TMTC1: variants seen among roughly 807,000 people sequenced by gnomAD.
The protein encoded by TMTC1 is protein O-mannosyl-transferase TMTC1.
A neutral mutation model predicts 104.8 loss-of-function variants in TMTC1; 73 were observed. The observed-to-expected ratio is 0.70, with a 90% CI of 0.58 to 0.85. TMTC1 has a LOEUF of 0.85. Ranked by LOEUF, TMTC1 falls within the 40% of genes least tolerant of loss-of-function variation. TMTC1 has a pLI of 0.00. For missense variants in TMTC1, 1,035 were observed against 1,096.1 expected (o/e 0.94, Z 0.79); for synonymous variants, 434 against 428.7 (o/e 1.01, Z -0.15).
chr12:29,762,745 A>T (rs1943381443), intron 2 of TMTC1, among the ~76,000 whole-genome samples: 1 of 152,240 alleles, frequency 6.6e-6, no homozygotes, highest in South Asian at 2.1e-4. Context: ...GAACTTGAGT[A>T]CCAAATCAGG....
In TMTC1 at chr12:29,783,580, C is replaced by A; in HGVS notation, c.172G>T (p.Val58Leu). Reference protein sequence around the residue: ...EFVHDDVWAIVNNPDVRPGAP... With the variant: ...EFVHDDVWAILNNPDVRPGAP... ...CCGGGCCGCACGTCGGGGTTGTTCA[C>A]GATCGCCCACACGTCGTCGTGCACG... Residue 58 changes from valine to leucine, a missense_variant, in exon 1 of 18, where the codon GTG becomes TTG. Physicochemically the swap from Val to Leu is conservative, Grantham distance 32. Coordinates refer to ENST00000539277, the MANE Select transcript of TMTC1 (RefSeq NM_001193451.2). The surrounding 1 kb of genome is among the most constrained non-coding windows in gnomAD (Gnocchi z 4.7). The A allele has an allele frequency of 6.7e-7, 1 of 1,481,966 alleles. No homozygotes were observed. The highest frequency in any genetic ancestry group is 1.4e-5 in the African/African-American group (1 of 69,680). The allele number at this position is 1,481,966 out of a possible 1,614,324, so 91.8% of individuals were successfully genotyped here.
At chr12:29,771,776 T>C (rs1943599995) in intron 1 of TMTC1, among the ~76,000 whole-genome samples, 1 of 152,048 alleles carries the variant, frequency 6.6e-6, no homozygotes, top group Non-Finnish European at 1.5e-5. Flanking sequence ...AACTTCAGGA[T>C]GCTAAGGGGG....
chr12:29,506,516 T>C lies in TMTC1; in HGVS notation c.*330A>G, dbSNP rs1333269932. On this transcript the variant is annotated 3_prime_UTR_variant, in exon 18 of 18. Transcript: ENST00000539277. ...CTGTATTTCTGGGACAAAAAATGTC[T>C]AAACAGAATTAGATCTCCAGGTCTC... 4.7e-6 allele frequency: 1 copy of C among 214,144 alleles called. No individual in the cohort carries two copies. The allele number at this position is 214,144 out of a possible 1,614,324, so 13.3% of individuals were successfully genotyped here.
intron 9 of TMTC1, among the ~76,000 whole-genome samples, chr12:29,560,021 T>A (rs1389651656): frequency 6.6e-6 from 1 of 152,236 alleles, no homozygotes; most frequent in Non-Finnish European, 1.5e-5. Context: ...ACTTTTTAAA[T>A]AAATTTGCGT....
At chr12:29,760,199 C>T (rs1009893393) in intron 2 of TMTC1, among the ~76,000 whole-genome samples, 1 of 152,234 alleles carries the variant, frequency 6.6e-6, no homozygotes, top group Admixed American at 6.5e-5. Flanking sequence ...CAGAACATGT[C>T]CCCATTGTTA....
At chr12:29,667,585 G>A (rs1257621721) in intron 5 of TMTC1, among the ~76,000 whole-genome samples, 2 of 151,986 alleles carry the variant, frequency 1.3e-5, no homozygotes, top group African/African-American at 4.8e-5. Context: ...TTATAATGAG[G>A]GAAAAAAATG....
intron 5 of TMTC1, among the ~76,000 whole-genome samples, chr12:29,644,147 GTGTATA>G (rs1446965667): frequency 0.01 from 622 of 61,532 alleles, 19 homozygotes; most frequent in African/African-American, 0.026. Flanking sequence ...GTGTGTGTGT[GTGTATA>G]TATATATATA....
intron 14 of TMTC1, 84 bp downstream of exon 14, chr12:29,517,343 C>T: frequency 6.8e-7 from 1 of 1,473,852 alleles, no homozygotes; most frequent in Non-Finnish European, 9.3e-7. Context: ...ATTCCAGCTC[C>T]AGTTTTGAGG....
At chr12:29,600,552 C>T (rs918214423) in intron 7 of TMTC1, among the ~76,000 whole-genome samples, 3 of 152,152 alleles carry the variant, frequency 2.0e-5, no homozygotes, top group African/African-American at 7.2e-5. Context: ...GTTTTAGTTA[C>T]AATAATGACT....
upstream of TMTC1, chr12:29,784,020 GC>G: frequency 6.1e-6 from 1 of 165,282 alleles, no homozygotes; most frequent in Non-Finnish European, 1.2e-5. Context: ...CTCTTCCACC[GC>G]CCCCCAATCC....
At chr12:29,715,316 C>A (rs1185740265) in intron 5 of TMTC1, among the ~76,000 whole-genome samples, 1 of 152,084 alleles carries the variant, frequency 6.6e-6, no homozygotes, top group Non-Finnish European at 1.5e-5. Flanking sequence ...AGACTCTATT[C>A]TCATCTACCC....
intron 5 of TMTC1, among the ~76,000 whole-genome samples, chr12:29,741,824 G>A (rs1348838183): frequency 1.3e-5 from 2 of 152,162 alleles, no homozygotes; most frequent in Non-Finnish European, 2.9e-5. Context: ...CTGGAGATCG[G>A]CACCCAATTT....
At position 29,643,839 on chromosome 12, in the gene TMTC1, T is replaced by A. The variant is rs373987456; in HGVS notation, c.939-10503A>T. On this transcript the variant is annotated intron_variant, in intron 5 of 17. Coordinates refer to ENST00000539277, the MANE Select transcript of TMTC1 (RefSeq NM_001193451.2). ...TATATATTTATATATTTATATATATTTATATATTTATATATATTTATATAT... is the reference window on the plus strand; with the variant it reads ...TATATATTTATATATTTATATATATATATATATTTATATATATTTATATAT... 3.5e-3 allele frequency among the ~76,000 whole-genome samples: 268 copies of A among 76,640 alleles called. 10 individuals carry two copies. Among genetic ancestry groups the A allele is most frequent in the African/African-American group, 9.6e-3 (189 of 19,740 alleles). The allele number at this position is 76,640 out of a possible 152,430, so 50.3% of individuals were successfully genotyped here.
intron 2 of TMTC1, among the ~76,000 whole-genome samples, chr12:29,762,204 G>A (rs1394832051): frequency 1.3e-5 from 2 of 152,076 alleles, no homozygotes; most frequent in Non-Finnish European, 2.9e-5. Context: ...AAATAAGCAT[G>A]GAGGTAAACC....
At chr12:29,761,049 T>C (rs1943336438) in intron 2 of TMTC1, among the ~76,000 whole-genome samples, 1 of 147,882 alleles carries the variant, frequency 6.8e-6, no homozygotes, top group Admixed American at 6.8e-5. Flanking sequence ...TTGTATAACA[T>C]ATTAATAAGT....
chr12:29,518,487 T>C lies in TMTC1; in HGVS notation c.2009A>G (p.Glu670Gly). The C allele has an allele frequency of 6.2e-7, 1 of 1,613,678 alleles. No individual in the cohort carries two copies. The highest frequency in any genetic ancestry group is 2.2e-5 in the East Asian group (1 of 44,878). ...GGAACTTTACCGCTTGTACCATTCT[T>C]CAGCCATGCTGTTCTCTCCCAGTGA... ...YRSLGENSMA[E>G]EWYKRALQVA... The change falls in exon 13 of 18, where the codon GAA (glutamate) becomes GGA (glycine). Residue 670 changes from glutamate to glycine, a missense_variant. Glu to Gly is a moderately conservative substitution (Grantham distance 98). Transcript: ENST00000539277.
chr12:29,738,127 A>G (rs555522820), intron 5 of TMTC1, among the ~76,000 whole-genome samples: 18 of 152,310 alleles, frequency 1.2e-4, no homozygotes, highest in Non-Finnish European at 2.5e-4. Flanking sequence ...ATCATTTACA[A>G]TAATTATTAC....
chr12:29,717,054 A>G (rs973142464), intron 5 of TMTC1, among the ~76,000 whole-genome samples: 2 of 152,162 alleles, frequency 1.3e-5, no homozygotes, highest in African/African-American at 4.8e-5. Flanking sequence ...CAAAAATTCC[A>G]AGAGATAAAA....
At chr12:29,686,594 C>A (rs1549406) in intron 5 of TMTC1, among the ~76,000 whole-genome samples, 21,046 of 152,190 alleles carry the variant, frequency 0.14, 1,738 homozygotes, top group East Asian at 0.34. Flanking sequence ...GGAATCCACT[C>A]CTGTCAGGGC....
Sources: gnomAD v4.1 joint callset for allele counts (sites outside exome capture counted in the v4.1 genomes callset) on GRCh38, gnomAD v4.1.1 for gene constraint, Gnocchi (gnomAD v3.1) non-coding constraint, MANE v1.5 for transcripts, NCBI Gene and HGNC (gene_info 2026-07-23, HGNC 2026-07-21) for gene names.